Variants in NPFFR2 observed in about 807,000 individuals in gnomAD.
The protein encoded by NPFFR2 is neuropeptide FF receptor 2.
In NPFFR2, 15 loss-of-function variants were observed where a neutral mutation model predicts 13.1. The ratio of observed to expected loss-of-function variants is 1.15; its 90% CI spans 0.77 to 1.76. The LOEUF (loss-of-function observed/expected upper bound fraction) is 1.76. Among genes scored for constraint, NPFFR2 ranks in the 40% most tolerant of loss-of-function variants. The pLI is 0.00. For missense variants in NPFFR2, 572 were observed against 503.5 expected, an observed-to-expected ratio of 1.14 and a Z score of -1.30; for synonymous variants, 190 against 175.7, an observed-to-expected ratio of 1.08 and a Z score of -0.65.
chr4:72,078,956 A>G (rs1202810997), intron 1 of NPFFR2, among the ~76,000 whole-genome samples: 2 of 152,012 alleles, frequency 1.3e-5, no homozygotes, highest in Admixed American at 1.3e-4. Context: ...GGCTGTTGCT[A>G]TAGAAGGGTA....
chr4:72,079,472 A>C (rs1455422806), intron 1 of NPFFR2, among the ~76,000 whole-genome samples: 2 of 152,180 alleles, frequency 1.3e-5, no homozygotes, highest in Non-Finnish European at 2.9e-5. Flanking sequence ...TCAGCACTAT[A>C]ATTAAGAAAT....
chr4:72,035,976 G>A (rs1719029620), intron 1 of NPFFR2, among the ~76,000 whole-genome samples: 1 of 152,024 alleles, frequency 6.6e-6, no homozygotes, highest in African/African-American at 2.4e-5. Flanking sequence ...CAGAACTCTG[G>A]AGGGTTTACC....
At chr4:72,092,266 A>G (rs1277001841) in intron 1 of NPFFR2, among the ~76,000 whole-genome samples, 1 of 152,084 alleles carries the variant, frequency 6.6e-6, no homozygotes, top group Non-Finnish European at 1.5e-5. Flanking sequence ...CATATGGTCT[A>G]TCATGGAGAA....
intron 3 of NPFFR2, among the ~76,000 whole-genome samples, chr4:72,143,764 A>G (rs1578485376): frequency 6.6e-6 from 1 of 152,124 alleles, no homozygotes; most frequent in African/African-American, 2.4e-5. Flanking sequence ...CTGTATCTCA[A>G]ATCCAAATTG....
At chr4:72,033,104 G>A (rs921242668) in intron 1 of NPFFR2, among the ~76,000 whole-genome samples, 1 of 152,006 alleles carries the variant, frequency 6.6e-6, no homozygotes, top group Non-Finnish European at 1.5e-5. Context: ...ACTAATGAGA[G>A]GAAGGATGGA....
rs371070897 is a variant in NPFFR2, at chr4:72,147,075, T to A, written c.526T>A (p.Ser176Thr). ...IIWVLAITIM[S>T]PSAVMLHVQE... is the part of the protein sequence containing the mutation. ...CTGGGTCCTAGCCATCACCATTATG[T>A]CTCCATCTGCAGTAATGTTACATGT... Residue 176 changes from serine to threonine, a missense_variant, in exon 4 of 4, where the codon TCT becomes ACT. Ser to Thr is a moderately conservative substitution (Grantham distance 58, BLOSUM62 1). Transcript: ENST00000308744. 2 of 1,614,068 alleles carry A rather than the reference T, an allele frequency of 1.2e-6. No homozygotes were observed. Among genetic ancestry groups the A allele is most frequent in the Non-Finnish European group, 1.7e-6 (2 of 1,179,962 alleles).
chr4:72,083,480 A>G (rs1720686425), intron 1 of NPFFR2, among the ~76,000 whole-genome samples: 1 of 150,774 alleles, frequency 6.6e-6, no homozygotes, highest in South Asian at 2.1e-4. Flanking sequence ...GCAGCATTTG[A>G]GTATTTGCCA....
intron 1 of NPFFR2, among the ~76,000 whole-genome samples, chr4:72,091,461 C>T (rs1720916594): frequency 6.6e-6 from 1 of 151,842 alleles, no homozygotes; most frequent in Non-Finnish European, 1.5e-5. Context: ...TCTGGTCCTG[C>T]ACTTTTTATT....
chr4:72,134,559 T>G (rs190643783), intron 2 of NPFFR2, among the ~76,000 whole-genome samples: 3 of 152,308 alleles, frequency 2.0e-5, no homozygotes, highest in African/African-American at 7.2e-5. Flanking sequence ...TTTACATATA[T>G]CTTATCCGTG....
intron 1 of NPFFR2, among the ~76,000 whole-genome samples, chr4:72,085,143 C>A (rs1012982882): frequency 6.6e-6 from 1 of 152,046 alleles, no homozygotes; most frequent in Non-Finnish European, 1.5e-5. Context: ...AAGACAGATA[C>A]CAACAAATGT....
intron 1 of NPFFR2, among the ~76,000 whole-genome samples, chr4:72,107,528 A>G (rs559724600): frequency 1.3e-5 from 2 of 151,948 alleles, no homozygotes; most frequent in East Asian, 3.9e-4. Flanking sequence ...TTGGGATACT[A>G]TGAGTAGCTA....
At chr4:72,134,860 C>A (rs561006368) in intron 2 of NPFFR2, among the ~76,000 whole-genome samples, 1 of 152,252 alleles carries the variant, frequency 6.6e-6, no homozygotes, top group Admixed American at 6.5e-5. Context: ...CACTGATACC[C>A]TAACAACTCT....
intron 3 of NPFFR2, among the ~76,000 whole-genome samples, chr4:72,143,014 G>A (rs1722678726): frequency 6.6e-6 from 1 of 152,180 alleles, no homozygotes; most frequent in Non-Finnish European, 1.5e-5. Context: ...AGGACAGGGA[G>A]TAGTGGATTC....
chr4:72,138,503 C>A (rs539397164), intron 3 of NPFFR2, among the ~76,000 whole-genome samples: 11 of 148,998 alleles, frequency 7.4e-5, no homozygotes, highest in African/African-American at 2.5e-4. Flanking sequence ...TGAGTGAGAA[C>A]ATGTGGTGTT....
rs560230517 is a variant in NPFFR2, at chr4:72,115,950, A to G, written c.-7-12635A>G. Among the ~76,000 whole-genome samples, 179 of 152,292 alleles carry G rather than the reference A, an allele frequency of 1.2e-3. 2 individuals are homozygous for G. In the South Asian group the frequency reaches 0.015, roughly 13 times the overall value. On this transcript the variant is annotated intron_variant, in intron 1 of 3. Coordinates refer to ENST00000308744, the MANE Select transcript of NPFFR2 (RefSeq NM_004885.3). ...ACAATATTAATATCTCTTGGATTGT[A>G]TGGGCAATGAAACTGTAGTATTCTA... is the stretch of plus-strand genomic sequence containing the variant.
At chr4:72,047,208 GC>G (rs1264600222) in intron 1 of NPFFR2, among the ~76,000 whole-genome samples, 1 of 151,966 alleles carries the variant, frequency 6.6e-6, no homozygotes, top group Non-Finnish European at 1.5e-5. Context: ...TCAGAAGAGA[GC>G]ACTAAGGATG....
At chr4:72,070,795 T>G (rs549561819) in intron 1 of NPFFR2, among the ~76,000 whole-genome samples, 1 of 152,220 alleles carries the variant, frequency 6.6e-6, no homozygotes, top group East Asian at 1.9e-4. Flanking sequence ...TATTGCAGCA[T>G]GTAGTACTAA....
chr4:72,089,233 A>G (rs1390071821), intron 1 of NPFFR2, among the ~76,000 whole-genome samples: 3 of 152,140 alleles, frequency 2.0e-5, no homozygotes, highest in East Asian at 3.9e-4. Context: ...TTGTTGATTG[A>G]TGGGCATTTG....
intron 1 of NPFFR2, 96 bp from the exon 2 acceptor site, chr4:72,128,489 T>C: frequency 2.9e-6 from 2 of 692,000 alleles, no homozygotes; most frequent in Non-Finnish European, 4.8e-6. Flanking sequence ...AAAAATTCCA[T>C]GGCATTTTAC....
Sources: gnomAD v4.1 joint callset for allele counts (sites outside exome capture counted in the v4.1 genomes callset) on GRCh38, gnomAD v4.1.1 for gene constraint, MANE v1.5 for transcripts, NCBI Gene and HGNC (gene_info 2026-07-23, HGNC 2026-07-21) for gene names.